Variants in NMT1 observed in about 807,000 individuals in gnomAD.
NMT1 encodes the protein N-myristoyltransferase 1.
A neutral mutation model predicts 63.4 loss-of-function variants in NMT1; 12 were observed. That is an observed-to-expected ratio of 0.19 (90% CI 0.12 to 0.31). NMT1 has a LOEUF of 0.31. Among genes scored for constraint, NMT1 ranks in the 10% least tolerant of loss-of-function variants. The probability of loss-of-function intolerance (pLI) is 1.00; values close to 1 mark genes in which losing one functional copy is unlikely to be tolerated. For synonymous variants in NMT1, 228 were observed against 234.3 expected, an observed-to-expected ratio of 0.97 and a Z score of 0.25; for missense variants, 432 against 634.6, an observed-to-expected ratio of 0.68 and a Z score of 3.43.
Position 45,105,117 on chromosome 17 carries a change from C to A in NMT1, c.1470+121C>A. ...TGGGTCCTTGTTACCTCGAGTTGAA[C>A]CTTTGAAAATGCCCTCCCTCTGCTG... On this transcript the variant is annotated intron_variant, in intron 11 of 11. Transcript: ENST00000258960. This position sits in a 1 kb window ranked among gnomAD's most constrained non-coding sequence, Gnocchi z 4.2. 7.5e-7 allele frequency: 1 copy of A among 1,326,290 alleles called. No homozygotes were observed. Among genetic ancestry groups the A allele is most frequent in the Non-Finnish European group, 1.0e-6 (1 of 962,996 alleles). The allele number at this position is 1,326,290 out of a possible 1,614,324, so 82.2% of individuals were successfully genotyped here.
At chr17:45,078,954 T>G (rs1042270433) in intron 1 of NMT1, among the ~76,000 whole-genome samples, 7 of 151,960 alleles carry the variant, frequency 4.6e-5, no homozygotes, top group Admixed American at 6.6e-5. Flanking sequence ...TGACCCACCA[T>G]GCTGGACCTT....
chr17:45,086,471 A>T, intron 2 of NMT1, 37 bp from the exon 3 acceptor site: 1 of 1,579,050 alleles, frequency 6.3e-7, no homozygotes, highest in Non-Finnish European at 8.6e-7. Context: ...TTACTAACAT[A>T]ATGGGCCTTT....
intron 1 of NMT1, among the ~76,000 whole-genome samples, chr17:45,068,001 CCATA>C (rs2053913774): frequency 6.6e-6 from 1 of 152,178 alleles, no homozygotes; most frequent in Non-Finnish European, 1.5e-5. Context: ...GATTTATGAG[CCATA>C]CATTTAGTAA....
At chr17:45,073,398 A>G (rs949015537) in intron 1 of NMT1, among the ~76,000 whole-genome samples, 3 of 152,042 alleles carry the variant, frequency 2.0e-5, no homozygotes, top group African/African-American at 7.2e-5. Context: ...AGCCTGGGCA[A>G]CAGAGCAAGA....
chr17:45,088,782 A>G lies in NMT1; in HGVS notation c.385+2130A>G, dbSNP rs1225104584. Among the ~76,000 whole-genome samples the G allele has an allele frequency of 4.6e-5, 7 of 150,630 alleles. No homozygotes were observed. In the East Asian group the frequency reaches 1.4e-3, roughly 29 times the overall value. On this transcript the variant is annotated intron_variant, in intron 3 of 11. Transcript: ENST00000258960. ...AATGAATTTAAAAAAAAAAAAAAAG[A>G]GGCAGCTTGGGATTAATTTGCTTCT... is the stretch of plus-strand genomic sequence containing the variant.
At chr17:45,073,862 G>T (rs59010872) in intron 1 of NMT1, among the ~76,000 whole-genome samples, 3 of 152,314 alleles carry the variant, frequency 2.0e-5, no homozygotes, top group African/African-American at 7.2e-5. Flanking sequence ...AGTTAAGCCA[G>T]ATGGTTCTGA....
chr17:45,062,467 C>A (rs2053870702), intron 1 of NMT1, among the ~76,000 whole-genome samples: 1 of 152,120 alleles, frequency 6.6e-6, no homozygotes, highest in African/African-American at 2.4e-5. Context: ...TCGTAGCCAG[C>A]TTGTTATTCG....
Position 45,096,255 on chromosome 17 carries a change from G to A in NMT1, c.566G>A (p.Arg189Gln), listed in dbSNP as rs1567870315. The change falls in exon 5 of 12, where the codon CGA becomes CAA. Residue 189 changes from arginine to glutamine, a missense_variant. Transcript: ENST00000258960. ...NYVEDDDNMF[R>Q]FDYSPEFLLW... ...GTGGAAGATGATGACAACATGTTCC[G>A]ATTTGATTATTCCCCGGAGTTTCTT... 3.7e-6 allele frequency: 6 copies of A among 1,614,098 alleles called. No individual in the cohort carries two copies. Among genetic ancestry groups the A allele is most frequent in the Non-Finnish European group, 5.1e-6 (6 of 1,179,956 alleles).
rs1288068012 is a variant in NMT1 at position 45,105,641 on chromosome 17, C to G, written c.*2C>G. 1 of 1,613,042 alleles carries G rather than the reference C, an allele frequency of 6.2e-7. No homozygotes were observed. The highest frequency in any genetic ancestry group is 8.5e-7 in the Non-Finnish European group (1 of 1,179,762). On this transcript the variant is annotated 3_prime_UTR_variant, in exon 12 of 12. Transcript: ENST00000258960. This position sits in a 1 kb window ranked among gnomAD's most constrained non-coding sequence, Gnocchi z 4.2. ...TAGGTTGGACTGGTGCTACAATAACCAGTCACCAGTGCGATTCTGGATAAA... is the reference window on the plus strand; with the variant it reads ...TAGGTTGGACTGGTGCTACAATAACGAGTCACCAGTGCGATTCTGGATAAA...
At chr17:45,065,559 G>T (rs1184358532) in intron 1 of NMT1, among the ~76,000 whole-genome samples, 2 of 147,566 alleles carry the variant, frequency 1.4e-5, no homozygotes, top group African/African-American at 5.0e-5. Flanking sequence ...GTGAGGCGGA[G>T]CTTGCAGTGA....
chr17:45,101,639 A>AG (rs2054166900), intron 8 of NMT1, among the ~76,000 whole-genome samples: 1 of 145,144 alleles, frequency 6.9e-6, no homozygotes, highest in African/African-American at 2.5e-5. Context: ...AAAAAAAAAA[A>AG]GGAAAGAAAG....
intron 1 of NMT1, among the ~76,000 whole-genome samples, chr17:45,074,145 T>A (rs542418550): frequency 1.3e-5 from 2 of 152,300 alleles, no homozygotes; most frequent in South Asian, 4.1e-4. Context: ...AAGGTCTGAA[T>A]TTATACAGGA....
intron 3 of NMT1, among the ~76,000 whole-genome samples, chr17:45,092,305 C>T (rs2054093583): frequency 6.6e-6 from 1 of 152,218 alleles, no homozygotes; most frequent in South Asian, 2.1e-4. Context: ...AGTAATGTGT[C>T]TGATGGAAGA....
intron 1 of NMT1, among the ~76,000 whole-genome samples, chr17:45,072,254 C>CAA (rs969648377): frequency 8.3e-6 from 1 of 119,936 alleles, no homozygotes; most frequent in Non-Finnish European, 1.8e-5. Context: ...ACTGTCTTTA[C>CAA]AAAAAAAAAA....
intron 4 of NMT1, among the ~76,000 whole-genome samples, chr17:45,094,185 T>C (rs2054108497): frequency 6.6e-6 from 1 of 152,080 alleles, no homozygotes; most frequent in Non-Finnish European, 1.5e-5. Context: ...GAGGGATTTA[T>C]TTCCCTTATA....
At chr17:45,070,401 C>T (rs146795286) in intron 1 of NMT1, among the ~76,000 whole-genome samples, 1,670 of 152,018 alleles carry the variant, frequency 0.011, 10 homozygotes, top group Non-Finnish European at 0.014. Flanking sequence ...CAGGCACCCG[C>T]CACCATGCCT....
chr17:45,063,097 C>G (rs373599474), intron 1 of NMT1, among the ~76,000 whole-genome samples: 1 of 149,902 alleles, frequency 6.7e-6, no homozygotes, highest in Non-Finnish European at 1.5e-5. Context: ...CCCAACTACT[C>G]GGGAGGCTAA....
chr17:45,074,045 GCTT>G (rs1402154953), intron 1 of NMT1, among the ~76,000 whole-genome samples: 1 of 152,032 alleles, frequency 6.6e-6, no homozygotes, highest in Non-Finnish European at 1.5e-5. Flanking sequence ...TCATCTGCCA[GCTT>G]ACCCTTACCT....
chr17:45,096,342 C>A, intron 5 of NMT1, 57 bp downstream of exon 5: 1 of 1,352,762 alleles, frequency 7.4e-7, no homozygotes, highest in Non-Finnish European at 1.1e-6. Context: ...GCAGATCCAC[C>A]AGAGGGCACC....
Sources: gnomAD v4.1 joint callset for allele counts (sites outside exome capture counted in the v4.1 genomes callset) on GRCh38, gnomAD v4.1.1 for gene constraint, Gnocchi (gnomAD v3.1) non-coding constraint, MANE v1.5 for transcripts, NCBI Gene and HGNC (gene_info 2026-07-23, HGNC 2026-07-21) for gene names.